NRXN1: variants seen among roughly 807,000 people sequenced by gnomAD.
The protein encoded by NRXN1 is neurexin 1.
A neutral mutation model predicts 150.9 loss-of-function variants in NRXN1; 39 were observed. That is an observed-to-expected ratio of 0.26 (90% CI 0.20 to 0.34). The LOEUF is 0.34. Ranked by LOEUF, NRXN1 falls within the 10% of genes least tolerant of loss-of-function variation. The probability of loss-of-function intolerance (pLI) is 1.00; values close to 1 mark genes in which losing one functional copy is unlikely to be tolerated. For missense variants in NRXN1, 1,815 were observed against 1,949.9 expected, an observed-to-expected ratio of 0.93 and a Z score of 1.30; for synonymous variants, 924 against 757.0, an observed-to-expected ratio of 1.22 and a Z score of -3.62.
At chr2:50,954,193 T>C (rs1691891523) in intron 2 of NRXN1, among the ~76,000 whole-genome samples, 1 of 152,218 alleles carries the variant, frequency 6.6e-6, no homozygotes, top group East Asian at 1.9e-4. Flanking sequence ...ATTTTCATTA[T>C]ATCTTGTTTC....
intron 5 of NRXN1, among the ~76,000 whole-genome samples, chr2:50,833,497 G>T (rs938083703): frequency 6.6e-6 from 1 of 152,164 alleles, no homozygotes; most frequent in Admixed American, 6.5e-5. Flanking sequence ...TTTACAGAGA[G>T]AACTTGCATA....
chr2:50,156,053 T>A (rs991996439), intron 18 of NRXN1, among the ~76,000 whole-genome samples: 1 of 151,764 alleles, frequency 6.6e-6, no homozygotes, highest in African/African-American at 2.4e-5. Context: ...AGCATTTATC[T>A]CTGGATGGTG....
At chr2:50,067,425 C>T (rs1420008905) in intron 19 of NRXN1, among the ~76,000 whole-genome samples, 1 of 152,120 alleles carries the variant, frequency 6.6e-6, no homozygotes, top group Non-Finnish European at 1.5e-5. Context: ...ATCTCATTGC[C>T]TGTGTGGAAT....
chr2:50,310,495 G>A (rs2075083150), intron 17 of NRXN1, among the ~76,000 whole-genome samples: 1 of 152,044 alleles, frequency 6.6e-6, no homozygotes, highest in African/African-American at 2.4e-5. Flanking sequence ...TTTCTATTTT[G>A]ATTCCAAACT....
intron 17 of NRXN1, among the ~76,000 whole-genome samples, chr2:50,447,251 A>C (rs1235269339): frequency 6.6e-6 from 1 of 152,000 alleles, no homozygotes; most frequent in African/African-American, 2.4e-5. Flanking sequence ...AGGTGGGCAG[A>C]TCACTGGAGG....
At chr2:50,036,186 G>A (rs2152572405) in intron 21 of NRXN1, among the ~76,000 whole-genome samples, 1 of 152,148 alleles carries the variant, frequency 6.6e-6, no homozygotes, top group East Asian at 1.9e-4. Flanking sequence ...CTGAATCATG[G>A]GGGAGGTCTC....
intron 5 of NRXN1, among the ~76,000 whole-genome samples, chr2:50,658,646 C>T (rs1314722405): frequency 6.6e-6 from 1 of 151,928 alleles, no homozygotes; most frequent in Non-Finnish European, 1.5e-5. Flanking sequence ...CTTCCTTCTA[C>T]CGATCTTCAT....
At chr2:50,992,056 C>A (rs1310492599) in intron 2 of NRXN1, among the ~76,000 whole-genome samples, 1 of 151,930 alleles carries the variant, frequency 6.6e-6, no homozygotes, top group African/African-American at 2.4e-5. Context: ...ACTTTAGAAG[C>A]CACCCAGTTT....
intron 5 of NRXN1, among the ~76,000 whole-genome samples, chr2:50,697,600 CTCTCTCCCTTCCTTGCTCT>C: frequency 6.6e-6 from 1 of 152,272 alleles, no homozygotes; most frequent in Non-Finnish European, 1.5e-5. Context: ...GAAAGGTCTC[CTCTCTCCCTTCCTTGCTCT>C]TCTGTAGCCC....
At position 50,340,212 on chromosome 2, in the gene NRXN1, T is replaced by C. The variant is rs572769155; in HGVS notation, c.3365-103242A>G. ...ACTGTGGAAATATATACTTAAAAGA[T>C]AGCTGTTTTCACTCAGTTCTGTCAA... On this transcript the variant is annotated intron_variant, in intron 17 of 22. Transcript: ENST00000401669. 2.6e-5 allele frequency among the ~76,000 whole-genome samples: 4 copies of C among 152,318 alleles called. No homozygotes were observed. The East Asian group carries it at 5.8e-4, about 22-fold the overall frequency.
At position 50,508,273 on chromosome 2, in the gene NRXN1, A is replaced by G. The variant is rs528076936; in HGVS notation, c.2375-1656T>C. Among the ~76,000 whole-genome samples, 4 of 152,314 alleles carry G rather than the reference A, an allele frequency of 2.6e-5. No homozygotes were observed. In the East Asian group the frequency reaches 7.7e-4, roughly 29 times the overall value. On this transcript the variant is annotated intron_variant, in intron 12 of 22. Coordinates refer to ENST00000401669, the MANE Select transcript of NRXN1 (RefSeq NM_001330078.2). ...TTTGTATCTTTAGAGAAATTAAATT[A>G]CAACTCCAGATACATGAATTTAAAA...
At chr2:50,586,759 C>T (rs1215989293) in intron 8 of NRXN1, among the ~76,000 whole-genome samples, 3 of 152,138 alleles carry the variant, frequency 2.0e-5, no homozygotes, top group Non-Finnish European at 2.9e-5. Context: ...TAGAAGCTAA[C>T]ACCTCAACAG....
rs1030492234 is a variant in NRXN1, at chr2:50,930,745, C to T, written c.773-4790G>A. On this transcript the variant is annotated intron_variant, in intron 2 of 22. Transcript: ENST00000401669. The stretch of plus-strand genomic sequence containing the variant: ...ACAGTCTACAGTATGTGTGCTCACA[C>T]CACCTATTTTTATTTTTTATTGCTG... Among the ~76,000 whole-genome samples, 7 of 152,096 alleles carry T rather than the reference C, an allele frequency of 4.6e-5. No homozygotes were observed. The East Asian group carries it at 1.4e-3, about 29-fold the overall frequency.
intron 17 of NRXN1, among the ~76,000 whole-genome samples, chr2:50,317,795 T>G (rs1466153455): frequency 1.3e-5 from 2 of 152,016 alleles, no homozygotes; most frequent in East Asian, 3.9e-4. Flanking sequence ...ACCAACAACA[T>G]GTCATTCCAA....
chr2:50,842,534 A>C (rs752923970), intron 5 of NRXN1, among the ~76,000 whole-genome samples: 28 of 152,188 alleles, frequency 1.8e-4, no homozygotes, highest in Non-Finnish European at 3.4e-4. Context: ...TGAATACAAC[A>C]ATGGCATTCA....
At chr2:50,734,983 A>G (rs1189785831) in intron 5 of NRXN1, among the ~76,000 whole-genome samples, 2 of 152,142 alleles carry the variant, frequency 1.3e-5, no homozygotes, top group African/African-American at 4.8e-5. Flanking sequence ...TGTTCAAATA[A>G]AACAAAATCA....
In NRXN1 at chr2:50,615,425, C is replaced by T. The variant is rs75530592; in HGVS notation, c.1320+4597G>A. On this transcript the variant is annotated intron_variant, in intron 8 of 22. Transcript: ENST00000401669. ...GTTTCATTTCCTTACTAACAAACTACGTTAAATAATGTTCACTCTGCAGGA... is the reference window on the plus strand; with the variant it reads ...GTTTCATTTCCTTACTAACAAACTATGTTAAATAATGTTCACTCTGCAGGA... 30 of 152,152 alleles carry T rather than the reference C, an allele frequency of 2.0e-4. 1 individual carries two copies. The highest frequency in any genetic ancestry group is 6.5e-4 in the African/African-American group (27 of 41,496). The allele number at this position is 152,152 out of a possible 1,614,324, so 9.4% of individuals were successfully genotyped here.
chr2:50,675,623 A>G (rs150404084), intron 5 of NRXN1, among the ~76,000 whole-genome samples: 8 of 152,292 alleles, frequency 5.3e-5, no homozygotes, highest in Admixed American at 4.6e-4. Flanking sequence ...GTAAACAAAC[A>G]ATATATATCA....
At chr2:50,082,151 AT>A in intron 19 of NRXN1, among the ~76,000 whole-genome samples, 1 of 152,216 alleles carries the variant, frequency 6.6e-6, no homozygotes, top group South Asian at 2.1e-4. Context: ...GTGACAATTA[AT>A]TTTTTATATC....
Sources: allele counts gnomAD v4.1 joint callset (sites outside exome capture counted in the v4.1 genomes callset), GRCh38; gene constraint gnomAD v4.1.1; transcripts MANE v1.5; gene names NCBI Gene and HGNC (gene_info 2026-07-23, HGNC 2026-07-21).